The following PCDHA7 variants were observed in gnomAD, a reference collection of about 807,000 sequenced individuals.
PCDHA7 encodes protocadherin alpha-7.
Under a neutral mutation model 57.2 loss-of-function variants are expected in PCDHA7, and 37 were observed. That is an observed-to-expected ratio of 0.65 (90% CI 0.50 to 0.85). PCDHA7 has a LOEUF of 0.85. Among genes scored for constraint, PCDHA7 ranks in the 40% least tolerant of loss-of-function variants. The pLI is 0.00. For synonymous variants in PCDHA7, 553 were observed against 558.8 expected (o/e 0.99, Z 0.15); for missense variants, 1,188 against 1,241.8 (o/e 0.96, Z 0.65).
At chr5:140,969,359 C>A (rs1554231722) in intron 1 of PCDHA7, 2 of 1,611,118 alleles carry the variant, frequency 1.2e-6, no homozygotes, top group Admixed American at 3.4e-5. Flanking sequence ...GGGTCTTCTA[C>A]AAACTCATGC....
intron 1 of PCDHA7, among the ~76,000 whole-genome samples, chr5:140,945,365 G>A (rs1458066318): frequency 6.6e-6 from 1 of 151,914 alleles, no homozygotes; most frequent in Non-Finnish European, 1.5e-5. Flanking sequence ...TGTTTAAAAT[G>A]TCCATATTAC....
In PCDHA7 at chr5:140,836,375, C is replaced by A. The variant is rs373878309; in HGVS notation, c.1992C>A (p.Thr664=). 2.5e-6 allele frequency: 4 copies of A among 1,613,712 alleles called. No individual in the cohort carries two copies. The highest frequency in any genetic ancestry group is 1.1e-5 in the South Asian group (1 of 91,072). ...AGCCCTCGCTGACAGCCACAGCCACCGTGCTGGTGTCGCTGGTGGAAAGCG... is the reference window on the plus strand; with the variant it reads ...AGCCCTCGCTGACAGCCACAGCCACAGTGCTGGTGTCGCTGGTGGAAAGCG... ...HGEPSLTATA[T]VLVSLVESGQ... is the part of the protein sequence containing the mutation. Residue 664 remains threonine (T), a synonymous_variant, in exon 1 of 4, where the codon ACC becomes ACA. Transcript: ENST00000525929.
In PCDHA7 at chr5:140,844,652, C is replaced by CA. The variant is rs1162718646; in HGVS notation, c.2355+7917dup. 1.0e-4 allele frequency among the ~76,000 whole-genome samples: 15 copies of CA among 149,492 alleles called. 1 individual carries two copies. The highest frequency in any genetic ancestry group is 2.0e-4 in the Admixed American group (3 of 14,904). On this transcript the variant is annotated intron_variant, in intron 1 of 3. Transcript: ENST00000525929. ...ACTATACATGATAATTTCATTCTTG[C>CA]AAACCAAACATATAATTTATAAATC...
chr5:140,994,142 G>A (rs550428204), intron 3 of PCDHA7, among the ~76,000 whole-genome samples: 21 of 152,298 alleles, frequency 1.4e-4, no homozygotes, highest in South Asian at 4.1e-4. Context: ...AATGCCCTAC[G>A]TAGGTAGGGT....
intron 1 of PCDHA7, chr5:140,877,285 G>C: frequency 1.2e-6 from 2 of 1,613,898 alleles, no homozygotes; most frequent in Non-Finnish European, 1.7e-6. Context: ...CGGCTATAAC[G>C]CTTGGCTGTC....
chr5:140,967,056 G>A, intron 1 of PCDHA7: 1 of 1,612,712 alleles, frequency 6.2e-7, no homozygotes, highest in Non-Finnish European at 8.5e-7. Context: ...CTGACGAGTG[G>A]AGCGCTCTTC....
intron 3 of PCDHA7, among the ~76,000 whole-genome samples, chr5:141,000,018 A>G (rs2097889437): frequency 6.6e-6 from 1 of 152,038 alleles, no homozygotes; most frequent in East Asian, 1.9e-4. Flanking sequence ...CCCCATTGCT[A>G]AGCCTGACAT....
intron 1 of PCDHA7, among the ~76,000 whole-genome samples, chr5:140,846,545 T>G (rs1374856613): frequency 6.7e-6 from 1 of 148,364 alleles, no homozygotes; most frequent in Non-Finnish European, 1.5e-5. Context: ...CTGCTAATTT[T>G]TTGTATTTTT....
chr5:141,004,948 C>G (rs1356526927), intron 3 of PCDHA7, among the ~76,000 whole-genome samples: 1 of 152,236 alleles, frequency 6.6e-6, no homozygotes, highest in Non-Finnish European at 1.5e-5. Context: ...TTCTTACCCT[C>G]TCTCGTCACT....
At chr5:140,869,149 C>A in intron 1 of PCDHA7, 3 of 1,613,754 alleles carry the variant, frequency 1.9e-6, no homozygotes, top group Non-Finnish European at 2.5e-6. Flanking sequence ...ACGACTACAG[C>A]TCTGGCTTCT....
At chr5:140,973,753 G>A (rs935956688) in intron 1 of PCDHA7, among the ~76,000 whole-genome samples, 1 of 152,244 alleles carries the variant, frequency 6.6e-6, no homozygotes, top group Non-Finnish European at 1.5e-5. Flanking sequence ...ACACTCTGCA[G>A]GGACACAGCC....
chr5:140,939,481 A>G (rs1554212745), intron 1 of PCDHA7, among the ~76,000 whole-genome samples: 2 of 152,206 alleles, frequency 1.3e-5, no homozygotes, highest in Non-Finnish European at 2.9e-5. Flanking sequence ...CTTCATGAGA[A>G]TGTTAATTAT....
chr5:140,941,191 T>TTTTTTTTC (rs1554213809), intron 1 of PCDHA7, among the ~76,000 whole-genome samples: 21 of 93,258 alleles, frequency 2.3e-4, no homozygotes, highest in African/African-American at 5.9e-4. Flanking sequence ...GCTTCTTTTT[T>TTTTTTTTC]TTTCTTTCTT....
intron 3 of PCDHA7, among the ~76,000 whole-genome samples, chr5:140,993,129 G>A (rs1216210971): frequency 6.6e-6 from 1 of 152,160 alleles, no homozygotes; most frequent in Non-Finnish European, 1.5e-5. Flanking sequence ...ATTTCCTTCT[G>A]TTGCAACAAG....
intron 1 of PCDHA7, among the ~76,000 whole-genome samples, chr5:140,906,376 C>T (rs1372120775): frequency 1.3e-5 from 2 of 152,166 alleles, no homozygotes; most frequent in Admixed American, 6.5e-5. Context: ...AATGCTATTA[C>T]ATAAAGTTAA....
intron 1 of PCDHA7, chr5:140,929,315 T>C: frequency 6.4e-7 from 1 of 1,559,382 alleles, no homozygotes; most frequent in African/African-American, 1.4e-5. Context: ...CACGCTAATG[T>C]CAATGCCATG....
intron 1 of PCDHA7, chr5:140,926,753 G>C (rs1431209513): frequency 3.5e-5 from 44 of 1,268,526 alleles, no homozygotes; most frequent in Non-Finnish European, 4.4e-5. Context: ...GTCGGCGGTC[G>C]CTGAGTATCC....
At chr5:140,862,549 C>T in intron 1 of PCDHA7, 3 of 457,652 alleles carry the variant, frequency 6.6e-6, no homozygotes, top group South Asian at 5.1e-5. Context: ...TGGAAGTGGC[C>T]GAACAGTGAA....
Position 140,836,382 on chromosome 5 carries a change from G to T in PCDHA7, c.1999G>T (p.Val667Leu). 1 of 1,613,752 alleles carries T rather than the reference G, an allele frequency of 6.2e-7. No individual in the cohort carries two copies. The highest frequency in any genetic ancestry group is 8.5e-7 in the Non-Finnish European group (1 of 1,179,850). The change falls in exon 1 of 4, where the codon GTG (valine) becomes TTG (leucine). Residue 667 changes from valine to leucine, a missense_variant. Around this residue, in one of 3 missense-constraint regions of PCDHA7, gnomAD observed 892 missense variants for 788.5 expected, o/e 1.13. Transcript: ENST00000525929. ...PSLTATATVL[V>L]SLVESGQAPK... ...GCTGACAGCCACAGCCACCGTGCTG[G>T]TGTCGCTGGTGGAAAGCGGCCAGGC...
Sources: gnomAD v4.1 joint callset for allele counts (sites outside exome capture counted in the v4.1 genomes callset) on GRCh38, gnomAD v4.1.1 for gene constraint, gnomAD v4.1.1 regional missense constraint, MANE v1.5 for transcripts, NCBI Gene and HGNC (gene_info 2026-07-23, HGNC 2026-07-21) for gene names.